ECM2: variants seen among roughly 807,000 people sequenced by gnomAD.
ECM2 encodes extracellular matrix protein 2, female organ and adipocyte specific.
ECM2 carries 57 observed loss-of-function variants against 67.5 expected under a neutral mutation model. That is an observed-to-expected ratio of 0.84 (90% CI 0.68 to 1.05). The LOEUF (loss-of-function observed/expected upper bound fraction) is 1.05. ECM2 is among the 50% of genes least tolerant of loss of function. The pLI is 0.00. For synonymous variants in ECM2, 258 were observed against 294.5 expected, an observed-to-expected ratio of 0.88 and a Z score of 1.27; for missense variants, 741 against 822.8, an observed-to-expected ratio of 0.90 and a Z score of 1.22.
At position 92,509,969 on chromosome 9, in the gene ECM2, C is replaced by G; in HGVS notation, c.1236G>C (p.Leu412Phe). The G allele has an allele frequency of 6.2e-7, 1 of 1,610,734 alleles. No individual in the cohort carries two copies. Among genetic ancestry groups the G allele is most frequent in the Non-Finnish European group, 8.5e-7 (1 of 1,179,250 alleles). ...CTTTAAGTTCTTCTAATGTAGATGG[C>G]AATTGTGAAGGAATCTGTATCAAAT... The part of the protein sequence containing the change: ...GNNLIQIPSQ[L>F]PSTLEELKVN... Residue 412 changes from leucine to phenylalanine, a missense_variant, in exon 6 of 10, where the codon TTG becomes TTC. Physicochemically the swap from Leu to Phe is conservative, Grantham distance 22. Coordinates refer to ENST00000344604, the MANE Select transcript of ECM2 (RefSeq NM_001393.4).
At chr9:92,532,015 G>GTTTTTTTTTTTGTTTTTT (rs1848801440) in intron 1 of ECM2, among the ~76,000 whole-genome samples, 2 of 95,724 alleles carry the variant, frequency 2.1e-5, no homozygotes, top group African/African-American at 5.9e-5. Context: ...TTTATTTAAT[G>GTTTTTTTTTTTGTTTTTT]TTTTTTTTTT....
chr9:92,553,595 G>C, the ECM2 span, among the ~76,000 whole-genome samples: 2 of 152,010 alleles, frequency 1.3e-5, no homozygotes, highest in Non-Finnish European at 2.9e-5. Context: ...GCAGTGTTTT[G>C]TAGTTTTCCT....
chr9:92,533,308 A>C (rs1848929750), intron 1 of ECM2, among the ~76,000 whole-genome samples: 4 of 67,328 alleles, frequency 5.9e-5, no homozygotes, highest in East Asian at 1.3e-3. Context: ...TCAAACAAAA[A>C]AAAAAAAAAA....
At chr9:92,511,335 C>T (rs1395432593) in intron 5 of ECM2, among the ~76,000 whole-genome samples, 3 of 149,302 alleles carry the variant, frequency 2.0e-5, no homozygotes, top group Non-Finnish European at 3.0e-5. Flanking sequence ...CCATGTTGGC[C>T]AGGCTGGTCT....
chr9:92,532,022 TTTTTTTATTTTA>T lies in ECM2; in HGVS notation c.-28+3899_-28+3910del, dbSNP rs1193330667. Reference sequence around the variant, plus strand: ...TTTCTTTTTTTATTTAATGTTTTTTTTTTTTTATTTTATTTTTTTTTTGAGATGAGGTCTCAC... The same window carrying T: ...TTTCTTTTTTTATTTAATGTTTTTTTTTTTTTTTTTGAGATGAGGTCTCAC... On this transcript the variant is annotated intron_variant, in intron 1 of 9. Coordinates refer to ENST00000344604, the MANE Select transcript of ECM2 (RefSeq NM_001393.4). Among the ~76,000 whole-genome samples the T allele has an allele frequency of 8.6e-5, 11 of 127,982 alleles. 2 individuals are homozygous for T. The highest frequency in any genetic ancestry group is 2.5e-4 in the African/African-American group (7 of 27,804). 84.0% of individuals were successfully genotyped at this position (127,982 alleles called of 152,430 possible).
At chr9:92,502,480 T>C (rs922258299) in intron 8 of ECM2, 33 bp downstream of exon 8, 1 of 1,605,290 alleles carries the variant, frequency 6.2e-7, no homozygotes, top group African/African-American at 1.3e-5. Context: ...GAAGAAATAG[T>C]TCAATAAAAT....
In ECM2 at chr9:92,511,799, G is replaced by A. The variant is rs192685255; in HGVS notation, c.1170+212C>T. Among the ~76,000 whole-genome samples the A allele has an allele frequency of 1.1e-4, 16 of 152,200 alleles. 1 individual carries two copies. The East Asian group carries it at 3.1e-3, about 29-fold the overall frequency. ...TACTTTTGTCACTGATGCTATTGTT[G>A]GTGTCCTTACAGCAAAGCTAAAAGT... On this transcript the variant is annotated intron_variant, in intron 5 of 9. Coordinates refer to ENST00000344604, the MANE Select transcript of ECM2 (RefSeq NM_001393.4).
At chr9:92,504,869 G>A (rs146084840) in intron 7 of ECM2, among the ~76,000 whole-genome samples, 30 of 152,284 alleles carry the variant, frequency 2.0e-4, no homozygotes, top group African/African-American at 5.5e-4. Context: ...GAAATGAGGG[G>A]TGTTGACATT....
chr9:92,497,767 G>C (rs1846434406), intron 9 of ECM2, among the ~76,000 whole-genome samples: 1 of 151,512 alleles, frequency 6.6e-6, no homozygotes, highest in Admixed American at 6.6e-5. Context: ...AATGGGAGGT[G>C]TTTGGGTCAT....
At chr9:92,522,003 A>T (rs1449528859) in intron 2 of ECM2, among the ~76,000 whole-genome samples, 1 of 152,240 alleles carries the variant, frequency 6.6e-6, no homozygotes, top group Non-Finnish European at 1.5e-5. Context: ...TAGTGGTAGG[A>T]TAAGTAATTT....
rs369927306 is a variant in ECM2 at position 92,514,810 on chromosome 9, G to T, written c.875C>A (p.Pro292Gln). Residue 292 changes from proline to glutamine, a missense_variant, in exon 4 of 10, where the codon CCG becomes CAG. By Grantham distance (76) the Pro-to-Gln change is moderately conservative. Coordinates refer to ENST00000344604, the MANE Select transcript of ECM2 (RefSeq NM_001393.4). ...GEEDEEDEED[P>Q]VRGDMFRMPS... ...CATTCGGAACATATCTCCTCTTACC[G>T]GGTCCTCCTCGTCCTCCTCATCCTC... 1.2e-6 allele frequency: 2 copies of T among 1,613,270 alleles called. No homozygotes were observed. Among genetic ancestry groups the T allele is most frequent in the Non-Finnish European group, 8.5e-7 (1 of 1,179,686 alleles).
chr9:92,530,827 G>A (rs1299957342), intron 1 of ECM2, among the ~76,000 whole-genome samples: 1 of 152,100 alleles, frequency 6.6e-6, no homozygotes, highest in Non-Finnish European at 1.5e-5. Context: ...GTACCCAACA[G>A]TTTTCCAATC....
chr9:92,532,029 A>ATTTTTTTTTTTTTTTTTTTTTTTTTT (rs201461115), intron 1 of ECM2, among the ~76,000 whole-genome samples: 8 of 91,028 alleles, frequency 8.8e-5, no homozygotes, highest in Non-Finnish European at 1.3e-4. Flanking sequence ...TTTTTTTTTT[A>ATTTTTTTTTTTTTTTTTTTTTTTTTT]TTTTATTTTT....
intron 9 of ECM2, among the ~76,000 whole-genome samples, chr9:92,498,284 A>G (rs1015026921): frequency 3.9e-5 from 6 of 152,194 alleles, no homozygotes; most frequent in African/African-American, 1.2e-4. Context: ...GAAGGATCAT[A>G]TAGTGTATAA....
intron 3 of ECM2, among the ~76,000 whole-genome samples, chr9:92,515,893 G>A (rs887977201): frequency 6.6e-6 from 1 of 152,130 alleles, no homozygotes; most frequent in East Asian, 1.9e-4. Flanking sequence ...CAGGAGTGCT[G>A]TTTATCCTTC....
intron 7 of ECM2, among the ~76,000 whole-genome samples, chr9:92,503,350 AC>A (rs1846802565): frequency 6.6e-6 from 1 of 152,156 alleles, no homozygotes; most frequent in South Asian, 2.1e-4. Flanking sequence ...AGGGAAGCCC[AC>A]CCGTGGTTAC....
At chr9:92,511,368 G>C (rs947127907) in intron 5 of ECM2, among the ~76,000 whole-genome samples, 3 of 151,120 alleles carry the variant, frequency 2.0e-5, no homozygotes, top group African/African-American at 4.8e-5. Context: ...CTCATGATCC[G>C]CCCATCTTGG....
intron 9 of ECM2, among the ~76,000 whole-genome samples, chr9:92,496,904 C>T (rs533766599): frequency 1.3e-5 from 2 of 150,566 alleles, no homozygotes; most frequent in East Asian, 1.9e-4. Flanking sequence ...TAAATTGAAA[C>T]TTTACTGGCA....
At chr9:92,521,175 A>G (rs745414170) in intron 2 of ECM2, among the ~76,000 whole-genome samples, 80 of 152,362 alleles carry the variant, frequency 5.3e-4, no homozygotes, top group African/African-American at 1.9e-3. Flanking sequence ...CAACTTGGAA[A>G]TACTTAGTAT....
Sources: allele counts gnomAD v4.1 joint callset (sites outside exome capture counted in the v4.1 genomes callset), GRCh38; gene constraint gnomAD v4.1.1; transcripts MANE v1.5; gene names NCBI Gene and HGNC (gene_info 2026-07-23, HGNC 2026-07-21).